GRTP1: variants seen among roughly 807,000 people sequenced by gnomAD.
The protein encoded by GRTP1 is growth hormone-regulated TBC protein 1.
A neutral mutation model predicts 38.1 loss-of-function variants in GRTP1; 56 were observed. The observed-to-expected ratio is 1.47, with a 90% confidence interval of 1.19 to 1.84. The LOEUF (loss-of-function observed/expected upper bound fraction) is 1.84, where lower values mean the gene tolerates loss of function less well. Among genes scored for constraint, GRTP1 ranks in the 40% most tolerant of loss-of-function variants. GRTP1 has a pLI of 0.00. For synonymous variants in GRTP1, 217 were observed against 189.5 expected, an observed-to-expected ratio of 1.14 and a Z score of -1.19; for missense variants, 506 against 453.9, an observed-to-expected ratio of 1.11 and a Z score of -1.04.
chr13:113,346,880 C>G (rs1294206320), intron 4 of GRTP1, among the ~76,000 whole-genome samples: 7 of 1,244 alleles, frequency 5.6e-3, no homozygotes, highest in African/African-American at 0.011. Flanking sequence ...CTGTGCCTGA[C>G]AGTGGACCCG....
chr13:113,346,071 CGG>C (rs2043108666), intron 4 of GRTP1, among the ~76,000 whole-genome samples: 3 of 8,932 alleles, frequency 3.4e-4, no homozygotes, highest in Non-Finnish European at 5.0e-4. Flanking sequence ...AGGACCTCTG[CGG>C]CTGAGCAGAC....
intron 7 of GRTP1, chr13:113,325,179 G>A (rs1050586375): frequency 2.4e-5 from 25 of 1,060,818 alleles, no homozygotes; most frequent in African/African-American, 2.2e-4. Context: ...TACCGCCCAC[G>A]TTTGCCATGC....
In GRTP1 at chr13:113,333,684, T is replaced by C. The variant is rs932737661; in HGVS notation, c.563-7593A>G. Among the ~76,000 whole-genome samples the C allele has an allele frequency of 2.0e-5, 3 of 151,810 alleles. No individual in the cohort carries two copies. The East Asian group carries it at 5.8e-4, about 29-fold the overall frequency. On this transcript the variant is annotated intron_variant, in intron 5 of 7. Coordinates refer to ENST00000375431, the MANE Select transcript of GRTP1 (RefSeq NM_024719.4). ...CACGCCCAGCTAATTTTTGTATTTT[T>C]AGTAGAGATGGGGTTTTGCCATGTT...
intron 5 of GRTP1, among the ~76,000 whole-genome samples, chr13:113,330,996 G>A (rs1053287009): frequency 3.4e-4 from 50 of 149,064 alleles, no homozygotes; most frequent in Non-Finnish European, 5.6e-4. Flanking sequence ...GAGCCCAGGC[G>A]TGTGCATGGA....
chr13:113,338,137 C>T (rs2042979450), intron 5 of GRTP1, among the ~76,000 whole-genome samples: 1 of 152,208 alleles, frequency 6.6e-6, no homozygotes, highest in Non-Finnish European at 1.5e-5. Flanking sequence ...CGGTCAACCT[C>T]CTCCTCTGAG....
At chr13:113,338,344 A>G (rs2042982716) in intron 5 of GRTP1, among the ~76,000 whole-genome samples, 1 of 152,076 alleles carries the variant, frequency 6.6e-6, no homozygotes, top group Non-Finnish European at 1.5e-5. Flanking sequence ...GGCCACGGGG[A>G]GCGTGTCCTC....
chr13:113,329,237 C>T (rs954016486), intron 5 of GRTP1, among the ~76,000 whole-genome samples: 1 of 152,330 alleles, frequency 6.6e-6, no homozygotes, highest in South Asian at 2.1e-4. Flanking sequence ...ATAATCCACG[C>T]ATAACACACT....
intron 4 of GRTP1, among the ~76,000 whole-genome samples, chr13:113,347,334 GGGAGGACCTCTGTGGCCA>G: frequency 1.5e-5 from 1 of 65,162 alleles, no homozygotes. Context: ...GAGCAGACCC[GGGAGGACCTCTGTGGCCA>G]AGAACAGATC....
Position 113,350,908 on chromosome 13 carries a change from T to C in GRTP1, c.406A>G (p.Thr136Ala), listed in dbSNP as rs1274886850. ...RKTTDPCLQR[T>A]LYNVLLAYGH... ...TATGCCAGCAGCACATTGTACAGGG[T>C]CCTCTGTAAGCAGGGGTCCGTGGTC... Residue 136 changes from threonine (T) to alanine (A), a missense_variant, in exon 4 of 8, where the codon ACC (threonine) becomes GCC (alanine). Transcript: ENST00000375431. The C allele has an allele frequency of 9.9e-6, 16 of 1,612,266 alleles. No homozygotes were observed. The highest frequency in any genetic ancestry group is 1.3e-5 in the Non-Finnish European group (15 of 1,178,726).
intron 4 of GRTP1, 144 bp downstream of exon 4, chr13:113,350,705 G>T: frequency 1.3e-6 from 1 of 743,834 alleles, no homozygotes. Flanking sequence ...CTGGGAAATG[G>T]CGTCCGAGCC....
At chr13:113,362,887 C>T (rs2043523626) in intron 2 of GRTP1, among the ~76,000 whole-genome samples, 1 of 152,180 alleles carries the variant, frequency 6.6e-6, no homozygotes. Flanking sequence ...AGCTCCAGGG[C>T]ACACTCCCAC....
chr13:113,351,803 G>A (rs920783416), intron 3 of GRTP1: 3 of 152,228 alleles, frequency 2.0e-5, no homozygotes, highest in African/African-American at 7.2e-5. Flanking sequence ...CTCTGTTAGA[G>A]GTGTTCGCCA....
intron 5 of GRTP1, among the ~76,000 whole-genome samples, chr13:113,326,373 G>A (rs1414462559): frequency 3.9e-5 from 3 of 76,246 alleles, no homozygotes; most frequent in Non-Finnish European, 4.8e-5. Flanking sequence ...GGAGGGTGGC[G>A]CGGTGGGGGG....
rs1047510903 is a variant in GRTP1 at position 113,348,541 on chromosome 13, T to C, written c.465+2308A>G. Among the ~76,000 whole-genome samples the C allele has an allele frequency of 4.6e-5, 7 of 152,112 alleles. No individual in the cohort carries two copies. The highest frequency in any genetic ancestry group is 8.8e-5 in the Non-Finnish European group (6 of 68,010). On this transcript the variant is annotated intron_variant, in intron 4 of 7. Transcript: ENST00000375431. The surrounding 1 kb of genome is among the most constrained non-coding windows in gnomAD (Gnocchi z 4.8). ...AGTCCTAACCCCTAGTACCTCAGAT[T>C]GGGACCTTGTTTGGGAAAAAGACTG...
intron 5 of GRTP1, 167 bp from the exon 6 acceptor site, chr13:113,326,258 G>T: frequency 3.0e-6 from 1 of 337,102 alleles, no homozygotes; most frequent in Non-Finnish European, 4.2e-6. Context: ...GCAGACACAG[G>T]GCTCATGGGG....
In GRTP1 at chr13:113,348,530, G is replaced by T. The variant is rs1453415572; in HGVS notation, c.465+2319C>A. ...TCATCTGTTGAAGTCCTAACCCCTA[G>T]TACCTCAGATTGGGACCTTGTTTGG... On this transcript the variant is annotated intron_variant, in intron 4 of 7. Transcript: ENST00000375431. The surrounding 1 kb of genome is among the most constrained non-coding windows in gnomAD (Gnocchi z 4.8). 6.6e-6 allele frequency among the ~76,000 whole-genome samples: 1 copy of T among 152,168 alleles called. No homozygotes were observed. Among genetic ancestry groups the T allele is most frequent in the Non-Finnish European group, 1.5e-5 (1 of 68,032 alleles).
rs1033923026 is a variant in GRTP1 at position 113,350,966 on chromosome 13, G to A, written c.348C>T (p.Asn116=). 1.2e-6 allele frequency: 2 copies of A among 1,613,866 alleles called. No individual in the cohort carries two copies. The highest frequency in any genetic ancestry group is 2.2e-5 in the East Asian group (1 of 44,872). Residue 116 remains asparagine (N), a synonymous_variant, in exon 4 of 8, where the codon AAC becomes AAT. Coordinates refer to ENST00000375431, the MANE Select transcript of GRTP1 (RefSeq NM_024719.4). Reference sequence around the variant, plus strand: ...ACTTCACGTTGTCGGGGAAGGTCCGGTTCAGGTCTGTGGGAAATTCAGAAG... The same window carrying A: ...ACTTCACGTTGTCGGGGAAGGTCCGATTCAGGTCTGTGGGAAATTCAGAAG... ...RLEDAIRTDL[N]RTFPDNVKFR...
At chr13:113,330,494 A>G (rs1216883366) in intron 5 of GRTP1, among the ~76,000 whole-genome samples, 33 of 133,480 alleles carry the variant, frequency 2.5e-4, no homozygotes, top group Non-Finnish European at 4.0e-4. Flanking sequence ...ATGGGAGCCC[A>G]GGTGTGTGCA....
chr13:113,363,912 T>C lies in GRTP1; in HGVS notation c.33-2A>G. ...CGCTCGAATCCGTACGGGTCGATCC[T>C]GCAAAACCGAGAGAAGGAGGCCGGC... is the stretch of plus-strand genomic sequence containing the variant. On this transcript the variant is annotated splice_acceptor_variant, in intron 1 of 7. Transcript: ENST00000375431. LOFTEE classifies it high-confidence loss of function. 1.2e-6 allele frequency: 2 copies of C among 1,609,072 alleles called. No homozygotes were observed. The highest frequency in any genetic ancestry group is 1.7e-6 in the Non-Finnish European group (2 of 1,178,218).
Sources: allele counts gnomAD v4.1 joint callset (sites outside exome capture counted in the v4.1 genomes callset), GRCh38; gene constraint gnomAD v4.1.1; non-coding constraint Gnocchi (gnomAD v3.1); transcripts MANE v1.5; gene names NCBI Gene and HGNC (gene_info 2026-07-23, HGNC 2026-07-21).